TTN: variants seen among roughly 807,000 people sequenced by gnomAD.
TTN encodes titin.
Under a neutral mutation model 3,223.0 loss-of-function variants are expected in TTN, and 1,525 were observed. The observed-to-expected ratio is 0.47, with a 90% CI of 0.45 to 0.49. TTN has a LOEUF of 0.49. Among genes scored for constraint, TTN ranks in the 20% least tolerant of loss-of-function variants. The pLI is 0.00. For missense variants in TTN, 40,786 were observed against 43,424.0 expected (o/e 0.94, Z 5.40); for synonymous variants, 14,094 against 15,161.0 (o/e 0.93, Z 5.17).
rs1242090270 is a variant in TTN at position 178,678,427 on chromosome 2, A to G, written c.33897T>C (p.Ala11299=). 4.4e-6 allele frequency: 7 copies of G among 1,589,804 alleles called. No individual in the cohort carries two copies. The South Asian group carries it at 8.1e-5, about 18-fold the overall frequency. The change falls in exon 144 of 363, where the codon GCT becomes GCC. Residue 11299 remains alanine (A), a synonymous_variant. Transcript: ENST00000589042. ...GAAATTATGTACCTTTTGCAGGTGGAGCCTCCACTTTCTTAGGAGCAGGAA... is the reference window on the plus strand; with the variant it reads ...GAAATTATGTACCTTTTGCAGGTGGGGCCTCCACTTTCTTAGGAGCAGGAA... ...VPVPAPKKVE[A]PPAKVPEVPK... is the part of the protein sequence containing the mutation.
In TTN at chr2:178,539,195, C is replaced by G; in HGVS notation, c.98740G>C (p.Val32914Leu). 1.9e-6 allele frequency: 3 copies of G among 1,613,788 alleles called. No homozygotes were observed. The highest frequency in any genetic ancestry group is 2.5e-6 in the Non-Finnish European group (3 of 1,179,768). The change falls in exon 353 of 363, where the codon GTT becomes CTT. Residue 32914 changes from valine to leucine, a missense_variant. Physicochemically the swap from Val to Leu is conservative, Grantham distance 32 (BLOSUM62 1). Coordinates refer to ENST00000589042, the MANE Select transcript of TTN (RefSeq NM_001267550.2). ...TTGGGCCGGGACCAGGACAAGCTAA[C>G]AGAACTCTTGGTTACATCGAGTACT... ...PEVLDVTKSS[V>L]SLSWSRPKDD... is the part of the protein sequence containing the mutation.
Position 178,550,979 on chromosome 2 carries a change from T to C in TTN, c.91552A>G (p.Arg30518Gly). The C allele has an allele frequency of 1.2e-6, 2 of 1,612,870 alleles. No homozygotes were observed. Among genetic ancestry groups the C allele is most frequent in the Non-Finnish European group, 1.7e-6 (2 of 1,179,476 alleles). Reference protein sequence around the residue: ...PSQSSGIIMTRDENVPPIVEF... With the variant: ...PSQSSGIIMTGDENVPPIVEF... ...TGTAAATGCTTACCATTTTCATCTC[T>C]TGTCATAATAATGCCAGAAGACTGT... Residue 30518 changes from arginine to glycine, a missense_variant, in exon 336 of 363, where the codon AGA becomes GGA. Physicochemically the swap from Arg to Gly is moderately radical, Grantham distance 125. Transcript: ENST00000589042.
In TTN at chr2:178,712,843, G is replaced by T; in HGVS notation, c.27182C>A (p.Pro9061Gln). 1.9e-6 allele frequency: 3 copies of T among 1,613,742 alleles called. No individual in the cohort carries two copies. The South Asian group carries it at 3.3e-5, about 18-fold the overall frequency. Residue 9061 changes from proline to glutamine, a missense_variant, in exon 94 of 363, where the codon CCA (proline) becomes CAA (glutamine). Coordinates refer to ENST00000589042, the MANE Select transcript of TTN (RefSeq NM_001267550.2). ...SWFKGSSELV[P>Q]GDRCNVSLED... is the part of the protein sequence containing the mutation. ...CAAAGACACGTTGCATCTGTCACCT[G>T]GTACTAGTTCACTGCTACCTTTGAA...
chr2:178,748,232 GAT>G, intron 47 of TTN: 1 of 1,612,944 alleles, frequency 6.2e-7, no homozygotes, highest in Non-Finnish European at 8.5e-7. Flanking sequence ...TTCAGAAAAG[GAT>G]TTAAGAGAAA....
chr2:178,550,187 G>T lies in TTN; in HGVS notation c.91651C>A (p.Gln30551Lys). ...GTTACTCGAGGCACTGGTCTTCCTT[G>T]TACCAAAGCTTTAATTCTAAGGCTC... ...GESLRIKALV[Q>K]GRPVPRVTWF... Residue 30551 changes from glutamine (Q) to lysine (K), a missense_variant, in exon 337 of 363, where the codon CAA becomes AAA. Transcript: ENST00000589042. 6.2e-7 allele frequency: 1 copy of T among 1,613,652 alleles called. No homozygotes were observed. The highest frequency in any genetic ancestry group is 8.5e-7 in the Non-Finnish European group (1 of 1,179,744).
At chr2:178,635,875 G>A (rs2060374205) in intron 226 of TTN, 88 bp downstream of exon 226, 1 of 1,518,716 alleles carries the variant, frequency 6.6e-7, no homozygotes, top group African/African-American at 1.4e-5. Flanking sequence ...CAAGATTTCT[G>A]ATATTGTAAT....
chr2:178,576,204 C>A lies in TTN; in HGVS notation c.69928G>T (p.Glu23310Ter). The change falls in exon 326 of 363, where the codon GAA (glutamate) becomes TAA (stop). Residue 23310 changes from glutamate to a stop codon, truncating the protein, a stop_gained. Coordinates refer to ENST00000589042, the MANE Select transcript of TTN (RefSeq NM_001267550.2). LOFTEE classifies it high-confidence loss of function. This position sits in a 1 kb window ranked among gnomAD's most constrained non-coding sequence, Gnocchi z 4.3. Reference sequence around the variant, plus strand: ...GCACTGATTCTGAAGTTGTATTTTTCTTTAGTCTGAAGATCAGGAACAACG... The same window carrying A: ...GCACTGATTCTGAAGTTGTATTTTTATTTAGTCTGAAGATCAGGAACAACG... ...QFVVPDLQTK[E>*]KYNFRISAIN... 6.2e-7 allele frequency: 1 copy of A among 1,612,942 alleles called. No individual in the cohort carries two copies. The highest frequency in any genetic ancestry group is 8.5e-7 in the Non-Finnish European group (1 of 1,179,372).
In TTN at chr2:178,574,596, T is replaced by G. The variant is rs763759336; in HGVS notation, c.71536A>C (p.Ser23846Arg). The G allele has an allele frequency of 6.2e-7, 1 of 1,613,342 alleles. No individual in the cohort carries two copies. Among genetic ancestry groups the G allele is most frequent in the South Asian group, 1.1e-5 (1 of 91,050 alleles). Residue 23846 changes from serine (S) to arginine (R), a missense_variant, in exon 326 of 363, where the codon AGC (serine) becomes CGC (arginine). By Grantham distance (110) the Ser-to-Arg change is moderately radical. Transcript: ENST00000589042. ...TAVTKDSMTI[S>R]WHEPLSDGGS... ...CCATCAGAAAGTGGCTCATGCCAGC[T>G]AATTGTCATTGAATCCTTGGTAACT...
At chr2:178,551,311 T>C in intron 335 of TTN, 51 bp from the exon 336 acceptor site, 9 of 1,480,434 alleles carry the variant, frequency 6.1e-6, no homozygotes, top group South Asian at 1.3e-5. Context: ...TAACCAGGTC[T>C]TAATCATCCA....
In TTN at chr2:178,603,899, G is replaced by A; in HGVS notation, c.54788C>T (p.Pro18263Leu). The A allele has an allele frequency of 6.2e-7, 1 of 1,608,846 alleles. No individual in the cohort carries two copies. The highest frequency in any genetic ancestry group is 8.5e-7 in the Non-Finnish European group (1 of 1,176,308). The change falls in exon 282 of 363, where the codon CCA (proline) becomes CTA (leucine). Residue 18263 changes from proline (P) to leucine (L), a missense_variant. Coordinates refer to ENST00000589042, the MANE Select transcript of TTN (RefSeq NM_001267550.2). ...GIGPPSEPSDPEVAGDPIFPP... is the reference protein window; with the variant it reads ...GIGPPSEPSDLEVAGDPIFPP... ...ACATATGGGATCTCCTGCAACCTCT[G>A]GATCTGATGGTTCACTGGGAGGACC...
rs767464148 is a variant in TTN, at chr2:178,733,649, C to T, written c.15740G>A (p.Gly5247Glu). The part of the protein sequence containing the change: ...KYTCLAENEA[G>E]SQTSVGELIV... ...TAATTCCCCAACAGATGTTTGGCTT[C>T]CAGCTTCATTTTCAGCCAGGCACGT... The change falls in exon 53 of 363, where the codon GGA (glycine) becomes GAA (glutamate). Residue 5247 changes from glycine (G) to glutamate (E), a missense_variant. Gly to Glu is a moderately conservative substitution (Grantham distance 98, BLOSUM62 -2). Coordinates refer to ENST00000589042, the MANE Select transcript of TTN (RefSeq NM_001267550.2). The T allele has an allele frequency of 4.3e-6, 7 of 1,612,750 alleles. No homozygotes were observed. The East Asian group carries it at 1.6e-4, about 36-fold the overall frequency.
At chr2:178,647,291 G>T (rs2062165478) in intron 214 of TTN, 90 bp downstream of exon 214, 2 of 1,426,310 alleles carry the variant, frequency 1.4e-6, no homozygotes, top group Non-Finnish European at 9.6e-7. Flanking sequence ...CTTCAATACA[G>T]ACAGACAAAT....
In TTN at chr2:178,785,669, T is replaced by G; in HGVS notation, c.2444A>C (p.His815Pro). ...AACAGAAATTTTTGAAACAGTAAAG[T>G]GAGGGCTAGCTGTGCGGGGGCGTTT... ...VDKRPRTASP[H>P]FTVSKISVPK... Residue 815 changes from histidine to proline, a missense_variant, in exon 15 of 363, where the codon CAC becomes CCC. Transcript: ENST00000589042. 6.2e-7 allele frequency: 1 copy of G among 1,614,126 alleles called. No individual in the cohort carries two copies. The highest frequency in any genetic ancestry group is 8.5e-7 in the Non-Finnish European group (1 of 1,179,994).
intron 214 of TTN, 75 bp downstream of exon 214, chr2:178,647,306 A>C (rs963487589): frequency 9.5e-6 from 14 of 1,470,208 alleles, no homozygotes; most frequent in Middle Eastern, 3.4e-4. Context: ...ACAAATACGT[A>C]AGATTCATCT....
rs1208813595 is a variant in TTN, at chr2:178,565,478, G to A, written c.80654C>T (p.Pro26885Leu). 6.2e-7 allele frequency: 1 copy of A among 1,613,114 alleles called. No homozygotes were observed. The highest frequency in any genetic ancestry group is 2.2e-5 in the East Asian group (1 of 44,806). The change falls in exon 326 of 363, where the codon CCA becomes CTA. Residue 26885 changes from proline (P) to leucine (L), a missense_variant. Coordinates refer to ENST00000589042, the MANE Select transcript of TTN (RefSeq NM_001267550.2). Reference sequence around the variant, plus strand: ...AGCTTGGATACTATATGTGTTAAATGGTAACTTTAAACTAGGCTGTATAGT... The same window carrying A: ...AGCTTGGATACTATATGTGTTAAATAGTAACTTTAAACTAGGCTGTATAGT... ...DLTIQPSLKL[P>L]FNTYSIQAGE...
chr2:178,561,460 C>T lies in TTN; in HGVS notation c.84672G>A (p.Met28224Ile), dbSNP rs761882110. 3.7e-6 allele frequency: 6 copies of T among 1,613,824 alleles called. No homozygotes were observed. Among genetic ancestry groups the T allele is most frequent in the South Asian group, 1.1e-5 (1 of 91,080 alleles). ...MKVSGLDEGL[M>I]YEYRVYAENI... ...TTTCAGCATATACACGATACTCATA[C>T]ATCAGTCCTTCATCAAGGCCGGAGA... Residue 28224 changes from methionine (M) to isoleucine (I), a missense_variant, in exon 326 of 363, where the codon ATG (methionine) becomes ATA (isoleucine). By Grantham distance (10) the Met-to-Ile change is conservative. Transcript: ENST00000589042.
At chr2:178,727,492 A>G in intron 68 of TTN, 93 bp downstream of exon 68, 1 of 1,495,762 alleles carries the variant, frequency 6.7e-7, no homozygotes, top group Admixed American at 2.3e-5. Flanking sequence ...TAGAAAGAAT[A>G]CTACTTTCTT....
intron 334 of TTN, 48 bp downstream of exon 334, chr2:178,553,454 C>T (rs1700157400): frequency 6.4e-7 from 1 of 1,573,818 alleles, no homozygotes; most frequent in South Asian, 1.2e-5. Flanking sequence ...GAGTGATTTC[C>T]TGGAAGTATG....
Position 178,689,236 on chromosome 2 carries a change from T to A in TTN, c.32011+54A>T, listed in dbSNP as rs992164565. 1.9e-6 allele frequency: 3 copies of A among 1,599,364 alleles called. No homozygotes were observed. In the African/African-American group the frequency reaches 4.1e-5, roughly 22 times the overall value. ...CCACAGTGCACTCATATCACAAAAC[T>A]AACAAAATCACTGGAACATAAAGAC... On this transcript the variant is annotated intron_variant, in intron 124 of 362. Transcript: ENST00000589042.
Sources: gnomAD v4.1 joint callset for allele counts on GRCh38, gnomAD v4.1.1 for gene constraint, Gnocchi (gnomAD v3.1) non-coding constraint, MANE v1.5 for transcripts, NCBI Gene and HGNC (gene_info 2026-07-23, HGNC 2026-07-21) for gene names.